Variants in MAN2B2 observed in about 807,000 individuals in gnomAD.
MAN2B2 encodes mannosidase alpha class 2B member 2, also known as epididymis-specific alpha-mannosidase.
MAN2B2 carries 106 observed loss-of-function variants against 117.1 expected under a neutral mutation model. The observed-to-expected ratio is 0.90, with a 90% confidence interval of 0.77 to 1.06. The LOEUF is 1.06. Among genes scored for constraint, MAN2B2 ranks in the 50% least tolerant of loss-of-function variants. The pLI is 0.00. For missense variants in MAN2B2, 1,326 were observed against 1,381.4 expected (o/e 0.96, Z 0.64); for synonymous variants, 544 against 595.1 (o/e 0.91, Z 1.25).
Position 6,617,409 on chromosome 4 carries a change from C to A in MAN2B2, c.2731C>A (p.Arg911Ser). 1 of 1,614,134 alleles carries A rather than the reference C, an allele frequency of 6.2e-7. No homozygotes were observed. The highest frequency in any genetic ancestry group is 8.5e-7 in the Non-Finnish European group (1 of 1,180,014). Residue 911 changes from arginine to serine, a missense_variant, in exon 17 of 19, where the codon CGC (arginine) becomes AGC (serine). Coordinates refer to ENST00000285599, the MANE Select transcript of MAN2B2 (RefSeq NM_015274.3). ...TCGAGGGGAAGCCCAGGCTGACCTCCGCCGTGTCCTGCTGCGGCTCTACCA... is the reference window on the plus strand; with the variant it reads ...TCGAGGGGAAGCCCAGGCTGACCTCAGCCGTGTCCTGCTGCGGCTCTACCA... Reference protein sequence around the residue: ...GHRGEAQADLRRVLLRLYHLY... With the variant: ...GHRGEAQADLSRVLLRLYHLY...
intron 5 of MAN2B2, 93 bp from the exon 6 acceptor site, chr4:6,593,080 G>T: frequency 8.3e-7 from 1 of 1,206,598 alleles, no homozygotes; most frequent in Non-Finnish European, 1.2e-6. Context: ...GATGTGCCAA[G>T]GTCCCAAGGC....
chr4:6,576,618 T>G lies in MAN2B2; in HGVS notation c.179T>G (p.Val60Gly), dbSNP rs767490700. 6.2e-6 allele frequency: 10 copies of G among 1,611,664 alleles called. No individual in the cohort carries two copies. The highest frequency in any genetic ancestry group is 8.5e-6 in the Non-Finnish European group (10 of 1,178,912). The part of the protein sequence containing the change: ...RAYAANVYTS[V>G]VEELARGQQR... The stretch of plus-strand genomic sequence containing the variant: ...TACGCCGCCAATGTCTACACCTCAG[T>G]GGTGGAAGAGCTGGCCCGCGGCCAG... Residue 60 changes from valine (V) to glycine (G), a missense_variant, in exon 2 of 19, where the codon GTG becomes GGG. Val to Gly is a moderately radical substitution (Grantham distance 109). Transcript: ENST00000285599.
At position 6,587,050 on chromosome 4, in the gene MAN2B2, A is replaced by T. The variant is rs137911443; in HGVS notation, c.446A>T (p.His149Leu). The change falls in exon 4 of 19, where the codon CAC becomes CTC. Residue 149 changes from histidine to leucine, a missense_variant. By Grantham distance (99) the His-to-Leu change is moderately conservative. Coordinates refer to ENST00000285599, the MANE Select transcript of MAN2B2 (RefSeq NM_015274.3). ...TFGIRPQFSW[H>L]VDPFGASATT... ...GGGATCCGGCCACAGTTCTCCTGGCACGTTGACCCGTTTGGCGCCTCTGCC... is the reference window on the plus strand; with the variant it reads ...GGGATCCGGCCACAGTTCTCCTGGCTCGTTGACCCGTTTGGCGCCTCTGCC... The T allele has an allele frequency of 1.9e-6, 3 of 1,614,066 alleles. No homozygotes were observed. Among genetic ancestry groups the T allele is most frequent in the Non-Finnish European group, 2.5e-6 (3 of 1,180,002 alleles).
chr4:6,593,336 G>A lies in MAN2B2; in HGVS notation c.844G>A (p.Val282Ile), dbSNP rs750851286. The A allele has an allele frequency of 1.3e-5, 21 of 1,612,660 alleles. No homozygotes were observed. Among genetic ancestry groups the A allele is most frequent in the Admixed American group, 8.4e-5 (5 of 59,836 alleles). Residue 282 changes from valine (V) to isoleucine (I), a missense_variant, in exon 6 of 19, where the codon GTC becomes ATC. Physicochemically the swap from Val to Ile is conservative, Grantham distance 29. Coordinates refer to ENST00000285599, the MANE Select transcript of MAN2B2 (RefSeq NM_015274.3). The part of the protein sequence containing the change: ...QRAAWFRTPH[V>I]LWPWGCDKQF... ...GGCCGCCTGGTTCCGGACACCGCACGTCCTCTGGCCCTGGGTAAGGCAGAG... is the reference window on the plus strand; with the variant it reads ...GGCCGCCTGGTTCCGGACACCGCACATCCTCTGGCCCTGGGTAAGGCAGAG...
intron 7 of MAN2B2, 101 bp downstream of exon 7, chr4:6,594,833 G>C: frequency 8.0e-7 from 1 of 1,242,728 alleles, no homozygotes; most frequent in Non-Finnish European, 1.1e-6. Context: ...TGCTCTCCAA[G>C]CCCTGGAGGG....
intron 17 of MAN2B2, chr4:6,618,326 A>T (rs1288060587): frequency 1.3e-5 from 2 of 152,220 alleles, no homozygotes; most frequent in African/African-American, 4.8e-5. Context: ...AACACAGACA[A>T]CATCTGTGTA....
intron 10 of MAN2B2, among the ~76,000 whole-genome samples, chr4:6,602,285 A>G (rs1727364372): frequency 1.3e-5 from 2 of 152,210 alleles, no homozygotes; most frequent in African/African-American, 4.8e-5. Context: ...CATGGCTTAA[A>G]TGACATACAT....
intron 9 of MAN2B2, among the ~76,000 whole-genome samples, chr4:6,599,939 G>T (rs1480048193): frequency 6.6e-6 from 1 of 152,260 alleles, no homozygotes; most frequent in Non-Finnish European, 1.5e-5. Flanking sequence ...CTTTTGAGGA[G>T]CTGTCATTCC....
At chr4:6,614,862 G>C (rs1415013874) in intron 16 of MAN2B2, among the ~76,000 whole-genome samples, 3 of 152,370 alleles carry the variant, frequency 2.0e-5, no homozygotes, top group Non-Finnish European at 2.9e-5. Context: ...GCTTGGTCTA[G>C]AGCAGAAGCA....
intron 5 of MAN2B2, among the ~76,000 whole-genome samples, chr4:6,591,755 GGGACCAGGAGTGTGGAGCCAT>G (rs1259970453): frequency 6.6e-6 from 1 of 152,124 alleles, no homozygotes; most frequent in African/African-American, 2.4e-5. Flanking sequence ...AGACTCAGTG[GGGACCAGGAGTGTGGAGCCAT>G]GGACCAGGAC....
In MAN2B2 at chr4:6,621,139, G is replaced by A. The variant is rs1157979107; in HGVS notation, c.2933-49G>A. ...GGTGCAGGGGGTGAGAGGGAGGCTG[G>A]GAGGAGGCATCCCAGGCCACACTGG... On this transcript the variant is annotated intron_variant, in intron 18 of 18. Transcript: ENST00000285599. 3 of 1,398,622 alleles carry A rather than the reference G, an allele frequency of 2.1e-6. No individual in the cohort carries two copies. In the Middle Eastern group the frequency reaches 5.3e-4, roughly 249 times the overall value. The allele number at this position is 1,398,622 out of a possible 1,614,324, so 86.6% of individuals were successfully genotyped here.
Position 6,615,899 on chromosome 4 carries a change from G to T in MAN2B2, c.2702-1481G>T, listed in dbSNP as rs140211275. 4.5e-3 allele frequency among the ~76,000 whole-genome samples: 677 copies of T among 152,056 alleles called. 5 individuals carry two copies. The highest frequency in any genetic ancestry group is 0.015 in the African/African-American group (626 of 41,524). ...GCTCACTGCAACCTCCACCACCCAG[G>T]TTCAAGCAATTCTCCTACCTCAGCC... is the stretch of plus-strand genomic sequence containing the variant. On this transcript the variant is annotated intron_variant, in intron 16 of 18. Coordinates refer to ENST00000285599, the MANE Select transcript of MAN2B2 (RefSeq NM_015274.3).
intron 11 of MAN2B2, among the ~76,000 whole-genome samples, chr4:6,607,254 A>T (rs1727589277): frequency 6.6e-6 from 1 of 152,168 alleles, no homozygotes. Flanking sequence ...TCTAGGCTGG[A>T]GTGCAGTGGC....
Position 6,609,134 on chromosome 4 carries a change from C to T in MAN2B2, c.1842C>T (p.Thr614=), listed in dbSNP as rs1235056558. The change falls in exon 12 of 19, where the codon ACC becomes ACT. Residue 614 remains threonine, a synonymous_variant. Coordinates refer to ENST00000285599, the MANE Select transcript of MAN2B2 (RefSeq NM_015274.3). The part of the protein sequence containing the change: ...ERQSNRTVRV[T]QEFLEYHVNG... ...AGAGTAACCGAACGGTGCGCGTGAC[C>T]CAGGAATTCCTGGAGTACCACGTCA... The T allele has an allele frequency of 6.2e-7, 1 of 1,614,124 alleles. No individual in the cohort carries two copies. The highest frequency in any genetic ancestry group is 1.1e-5 in the South Asian group (1 of 91,086).
Position 6,614,334 on chromosome 4 carries a change from C to G in MAN2B2, c.2680C>G (p.His894Asp), listed in dbSNP as rs755716127. Residue 894 changes from histidine to aspartate, a missense_variant, in exon 16 of 19, where the codon CAC becomes GAC. Coordinates refer to ENST00000285599, the MANE Select transcript of MAN2B2 (RefSeq NM_015274.3). ...GWRYSSNHTE[H>D]SQNLRKGHRG... Reference sequence around the variant, plus strand: ...GCGCTACAGCTCCAACCACACGGAGCACTCTCAGAATCTCCGGAAAGGTGA... The same window carrying G: ...GCGCTACAGCTCCAACCACACGGAGGACTCTCAGAATCTCCGGAAAGGTGA... 1.2e-6 allele frequency: 2 copies of G among 1,613,948 alleles called. No individual in the cohort carries two copies. The highest frequency in any genetic ancestry group is 2.7e-5 in the African/African-American group (2 of 74,928).
chr4:6,621,059 T>C (rs60534115), intron 18 of MAN2B2, 129 bp from the exon 19 acceptor site: 23,783 of 649,876 alleles, frequency 0.037, 1,782 homozygotes, highest in African/African-American at 0.23. Flanking sequence ...CAGCAGATTG[T>C]AGACAGGTGC....
chr4:6,575,705 G>T (rs1726030172), intron 1 of MAN2B2, among the ~76,000 whole-genome samples: 1 of 152,196 alleles, frequency 6.6e-6, no homozygotes, highest in African/African-American at 2.4e-5. Context: ...CTGGGAAGGG[G>T]CCGGGCTGGT....
intron 13 of MAN2B2, among the ~76,000 whole-genome samples, chr4:6,610,545 G>C (rs951247217): frequency 2.0e-5 from 3 of 152,232 alleles, no homozygotes; most frequent in African/African-American, 7.2e-5. Flanking sequence ...CTGAATTCTG[G>C]TGCTACCACA....
chr4:6,593,142 TCTTCTGCCCTAAC>T lies in MAN2B2; in HGVS notation c.681-20_681-8del. Reference sequence around the variant, plus strand: ...GCCCTGGCTGTCCACAGAGTTCGTGTCTTCTGCCCTAACCTTCTGCCCTCGCACAGGTCAGGAT... The same window carrying T: ...GCCCTGGCTGTCCACAGAGTTCGTGTCTTCTGCCCTCGCACAGGTCAGGAT... On this transcript the variant is annotated intron_variant, in intron 5 of 18. Transcript: ENST00000285599. 6.2e-7 allele frequency: 1 copy of T among 1,605,832 alleles called. No individual in the cohort carries two copies. Among genetic ancestry groups the T allele is most frequent in the East Asian group, 2.3e-5 (1 of 44,116 alleles).
Sources: gnomAD v4.1 joint callset for allele counts (sites outside exome capture counted in the v4.1 genomes callset) on GRCh38, gnomAD v4.1.1 for gene constraint, MANE v1.5 for transcripts, NCBI Gene and HGNC (gene_info 2026-07-23, HGNC 2026-07-21) for gene names.